IRF9: variants seen among roughly 807,000 people sequenced by gnomAD.
IRF9 encodes IFN-alpha-responsive transcription factor subunit.
Under a neutral mutation model 44.1 loss-of-function variants are expected in IRF9, and 13 were observed. The ratio of observed to expected loss-of-function variants is 0.29; its 90% CI spans 0.19 to 0.47. The LOEUF is 0.47. Among genes scored for constraint, IRF9 ranks in the 20% least tolerant of loss-of-function variants. IRF9 has a pLI of 1.00. For synonymous variants in IRF9, 189 were observed against 188.5 expected, an observed-to-expected ratio of 1.00 and a Z score of -0.02; for missense variants, 373 against 496.1, an observed-to-expected ratio of 0.75 and a Z score of 2.36.
intron 4 of IRF9, 125 bp from the exon 5 acceptor site, chr14:24,163,753 G>A (rs911291614): frequency 1.7e-5 from 18 of 1,036,042 alleles, no homozygotes; most frequent in South Asian, 8.0e-5. Context: ...CAGGAGAATC[G>A]CTTGAACCGG....
chr14:24,166,270 C>A lies in IRF9; in HGVS notation c.*74C>A. 8.0e-7 allele frequency: 1 copy of A among 1,248,122 alleles called. No individual in the cohort carries two copies. The highest frequency in any genetic ancestry group is 1.2e-6 in the Non-Finnish European group (1 of 861,558). 77.3% of individuals were successfully genotyped at this position (1,248,122 alleles called of 1,614,324 possible). A position where few individuals can be genotyped will look rare whatever the true frequency, so the allele number is the denominator to read the frequency against. ...CTTTGAAGTAGACTCATTCTTCACA[C>A]GATTGACCTGTCCTCTTTGTGATAA... On this transcript the variant is annotated 3_prime_UTR_variant, in exon 9 of 9. Coordinates refer to ENST00000396864, the MANE Select transcript of IRF9 (RefSeq NM_006084.5).
intron 4 of IRF9, 163 bp downstream of exon 4, chr14:24,163,671 C>G (rs1566620164): frequency 2.2e-6 from 2 of 918,862 alleles, no homozygotes; most frequent in Non-Finnish European, 3.3e-6. Context: ...GAACCCGTCT[C>G]TACTAAAAAT....
At chr14:24,166,059 TG>T (rs2038517958) in intron 8 of IRF9, 62 bp from the exon 9 acceptor site, 57 of 1,586,632 alleles carry the variant, frequency 3.6e-5, no homozygotes, top group Non-Finnish European at 4.8e-5. Context: ...AAGGAGCTCC[TG>T]GGGGTGGTGT....
At chr14:24,163,818 C>T (rs903943619) in intron 4 of IRF9, 60 bp from the exon 5 acceptor site, 18 of 1,514,802 alleles carry the variant, frequency 1.2e-5, no homozygotes, top group Non-Finnish European at 1.4e-5. Flanking sequence ...GCCTGGGCAA[C>T]AAGAGTGAAA....
Position 24,166,254 on chromosome 14 carries a change from A to G in IRF9, c.*58A>G, listed in dbSNP as rs752726379. 1.4e-6 allele frequency: 2 copies of G among 1,427,040 alleles called. No individual in the cohort carries two copies. Among genetic ancestry groups the G allele is most frequent in the Admixed American group, 3.4e-5 (2 of 58,018 alleles). 88.4% of individuals were successfully genotyped at this position (1,427,040 alleles called of 1,614,324 possible). The stretch of plus-strand genomic sequence containing the variant: ...TTGTTCTTCCTGTCTCCTTTGAAGT[A>G]GACTCATTCTTCACACGATTGACCT... On this transcript the variant is annotated 3_prime_UTR_variant, in exon 9 of 9. Coordinates refer to ENST00000396864, the MANE Select transcript of IRF9 (RefSeq NM_006084.5).
At chr14:24,162,008 T>C in intron 1 of IRF9, 136 bp from the exon 2 acceptor site, 2 of 777,208 alleles carry the variant, frequency 2.6e-6, no homozygotes, top group Non-Finnish European at 4.3e-6. Flanking sequence ...AGTGTTGAAA[T>C]GTGTTTGGAG....
At position 24,163,021 on chromosome 14, in the gene IRF9, T is replaced by C. The variant is rs542171718; in HGVS notation, c.236T>C (p.Val79Ala). 131 of 1,614,084 alleles carry C rather than the reference T, an allele frequency of 8.1e-5. 2 individuals are homozygous for C. In the South Asian group the frequency reaches 1.2e-3, roughly 15 times the overall value. ...GAGGGGGACACAGGAGGTCCAGCTG[T>C]CTGGAAGACTCGCCTGCGCTGTGCA... ...YKEGDTGGPA[V>A]WKTRLRCALN... The change falls in exon 3 of 9, where the codon GTC (valine) becomes GCC (alanine). Residue 79 changes from valine to alanine, a missense_variant. Physicochemically the swap from Val to Ala is moderately conservative, Grantham distance 64. Transcript: ENST00000396864.
Position 24,164,187 on chromosome 14 carries a change from C to T in IRF9, c.649+53C>T, listed in dbSNP as rs916334309. 7.3e-5 allele frequency: 105 copies of T among 1,443,752 alleles called. 1 individual carries two copies. In the African/African-American group the frequency reaches 9.5e-4, roughly 13 times the overall value. The allele number at this position is 1,443,752 out of a possible 1,614,324, so 89.4% of individuals were successfully genotyped here. ...TGCCCTGTGCCCCTGAGGTCTTCCA[C>T]CTTTGACTATGCATGCATTATCTAG... On this transcript the variant is annotated intron_variant, in intron 6 of 8. Transcript: ENST00000396864. The surrounding 1 kb of genome is among the most constrained non-coding windows in gnomAD (Gnocchi z 5.2).
intron 1 of IRF9, 100 bp from the exon 2 acceptor site, chr14:24,162,043 TG>T: frequency 7.3e-6 from 8 of 1,095,858 alleles, no homozygotes; most frequent in Non-Finnish European, 1.1e-5. Context: ...ATGGGATCTC[TG>T]GGACCTGTTG....
At chr14:24,163,254 T>TG in intron 3 of IRF9, 105 bp downstream of exon 3, 2 of 1,542,830 alleles carry the variant, frequency 1.3e-6, no homozygotes, top group East Asian at 2.3e-5. Flanking sequence ...TCCATGCCCT[T>TG]GGGGGGCTGC....
intron 2 of IRF9, chr14:24,162,716 C>G (rs2038475531): frequency 1.3e-5 from 6 of 478,620 alleles, no homozygotes; most frequent in Non-Finnish European, 1.9e-5. Flanking sequence ...AGGAGAATCG[C>G]TTGAACCAGG....
intron 3 of IRF9, 35 bp from the exon 4 acceptor site, chr14:24,163,343 C>G: frequency 6.2e-7 from 1 of 1,606,132 alleles, no homozygotes; most frequent in South Asian, 1.1e-5. Context: ...TTGCTCAAGA[C>G]CCTGACCTTT....
chr14:24,162,484 AATGTGG>A (rs2038471304), intron 2 of IRF9, 160 bp downstream of exon 2: 1 of 732,922 alleles, frequency 1.4e-6, no homozygotes, highest in Non-Finnish European at 2.1e-6. Flanking sequence ...ACAAAATGAA[AATGTGG>A]AGGCCTTGTT....
At chr14:24,163,171 C>T (rs2038481233) in intron 3 of IRF9, 22 bp downstream of exon 3, 2 of 1,611,244 alleles carry the variant, frequency 1.2e-6, no homozygotes, top group African/African-American at 2.7e-5. Context: ...CTTGTCCAAC[C>T]ACTGCTAGAC....
In IRF9 at chr14:24,166,291, G is replaced by A; in HGVS notation, c.*95G>A. 9.1e-7 allele frequency: 1 copy of A among 1,094,852 alleles called. No individual in the cohort carries two copies. Among genetic ancestry groups the A allele is most frequent in the Non-Finnish European group, 1.4e-6 (1 of 732,424 alleles). The allele number at this position is 1,094,852 out of a possible 1,614,324, so 67.8% of individuals were successfully genotyped here. A position where few individuals can be genotyped will look rare whatever the true frequency, so the allele number is the denominator to read the frequency against. On this transcript the variant is annotated 3_prime_UTR_variant, in exon 9 of 9. Transcript: ENST00000396864. ...CACACGATTGACCTGTCCTCTTTGT[G>A]ATAATTCTCAGTAGTTGTCCGTGAT...
At chr14:24,162,635 A>G in intron 2 of IRF9, 1 of 411,662 alleles carries the variant, frequency 2.4e-6, no homozygotes. Context: ...CCCTGTCTCT[A>G]CTAAAAATAC....
intron 2 of IRF9, 177 bp downstream of exon 2, chr14:24,162,501 C>A (rs1157046537): frequency 1.5e-6 from 1 of 669,834 alleles, no homozygotes; most frequent in Non-Finnish European, 2.4e-6. Context: ...AGGCCTTGTT[C>A]AAAAATTTTA....
In IRF9 at chr14:24,163,379, C is replaced by T. The variant is rs1430639021; in HGVS notation, c.366C>T (p.Gly122=). The T allele has an allele frequency of 6.2e-7, 1 of 1,613,284 alleles. No homozygotes were observed. The highest frequency in any genetic ancestry group is 2.2e-5 in the East Asian group (1 of 44,892). The change falls in exon 4 of 9, where the codon GGC becomes GGT. Residue 122 remains glycine (G), a splice_region_variant and synonymous_variant. Coordinates refer to ENST00000396864, the MANE Select transcript of IRF9 (RefSeq NM_006084.5). ...YQLLPPGIVS[G]QPGTQKVPSK... ...CTCTGTCCCTCAACAATTCCACAGGCCAGCCAGGGACTCAGAAAGTACCAT... is the reference window on the plus strand; with the variant it reads ...CTCTGTCCCTCAACAATTCCACAGGTCAGCCAGGGACTCAGAAAGTACCAT...
chr14:24,162,021 A>G, intron 1 of IRF9, 123 bp from the exon 2 acceptor site: 2 of 896,176 alleles, frequency 2.2e-6, no homozygotes, highest in Non-Finnish European at 1.8e-6. Flanking sequence ...GTTTGGAGCT[A>G]AAAGAAGATG....
Sources: gnomAD v4.1 joint callset for allele counts on GRCh38, gnomAD v4.1.1 for gene constraint, Gnocchi (gnomAD v3.1) non-coding constraint, MANE v1.5 for transcripts, NCBI Gene and HGNC (gene_info 2026-07-23, HGNC 2026-07-21) for gene names.